HHAT: variants seen among roughly 807,000 people sequenced by gnomAD.
HHAT encodes the protein hedgehog acyltransferase.
HHAT carries 47 observed loss-of-function variants against 70.8 expected under a neutral mutation model. The ratio of observed to expected loss-of-function variants is 0.66; its 90% CI spans 0.53 to 0.85. HHAT has a LOEUF of 0.85. Ranked by LOEUF, HHAT falls within the 40% of genes least tolerant of loss-of-function variation. The pLI is 0.00. For missense variants in HHAT, 609 were observed against 604.8 expected, an observed-to-expected ratio of 1.01 and a Z score of -0.07; for synonymous variants, 228 against 247.6, an observed-to-expected ratio of 0.92 and a Z score of 0.74.
At chr1:210,613,752 T>C (rs1052986219) in intron 10 of HHAT, among the ~76,000 whole-genome samples, 1 of 152,186 alleles carries the variant, frequency 6.6e-6, no homozygotes, top group African/African-American at 2.4e-5. Flanking sequence ...GTGCAGTGGC[T>C]CATGCCTATA....
intron 2 of HHAT, 26 bp downstream of exon 2, chr1:210,349,092 C>A (rs2086785911): frequency 6.2e-7 from 1 of 1,605,904 alleles, no homozygotes; most frequent in Non-Finnish European, 8.5e-7. Context: ...TTTCAGACCT[C>A]CTATCAAACA....
intron 9 of HHAT, among the ~76,000 whole-genome samples, chr1:210,554,480 C>T (rs546883768): frequency 6.6e-6 from 1 of 152,226 alleles, no homozygotes; most frequent in Non-Finnish European, 1.5e-5. Flanking sequence ...GGTTTGGAGA[C>T]AAACGCACCT....
chr1:210,443,068 G>C (rs1186852341), intron 7 of HHAT, among the ~76,000 whole-genome samples: 1 of 152,198 alleles, frequency 6.6e-6, no homozygotes, highest in African/African-American at 2.4e-5. Flanking sequence ...CATATGGCTA[G>C]CCAGTTTTCC....
At chr1:210,426,347 G>T (rs1392182634) in intron 7 of HHAT, among the ~76,000 whole-genome samples, 17 of 152,232 alleles carry the variant, frequency 1.1e-4, no homozygotes, top group Non-Finnish European at 1.5e-5. Context: ...TCTCTTGCCT[G>T]ATTGCCCCAG....
intron 8 of HHAT, among the ~76,000 whole-genome samples, chr1:210,499,245 CCCACA>C (rs1411449876): frequency 6.7e-6 from 1 of 149,682 alleles, no homozygotes; most frequent in Admixed American, 6.6e-5. Flanking sequence ...CTTCCCATTC[CCCACA>C]CCTGCCTATG....
intron 10 of HHAT, among the ~76,000 whole-genome samples, chr1:210,602,905 C>T (rs1447118955): frequency 6.6e-6 from 1 of 152,196 alleles, no homozygotes; most frequent in African/African-American, 2.4e-5. Flanking sequence ...GAATCTTAAC[C>T]TCTCTGGTCT....
intron 9 of HHAT, among the ~76,000 whole-genome samples, chr1:210,560,814 TAAAAAAAA>T (rs60192211): frequency 6.3e-4 from 18 of 28,512 alleles, no homozygotes; most frequent in South Asian, 5.6e-3. Context: ...CCCTGTGTCT[TAAAAAAAA>T]AAAAAAAAAA....
intron 8 of HHAT, among the ~76,000 whole-genome samples, chr1:210,491,689 A>G (rs576594570): frequency 3.9e-5 from 6 of 152,240 alleles, no homozygotes; most frequent in Admixed American, 6.5e-5. Flanking sequence ...TTCTTCAGTC[A>G]CACCCAGCTA....
intron 9 of HHAT, among the ~76,000 whole-genome samples, chr1:210,539,567 G>A (rs930904483): frequency 6.6e-6 from 1 of 152,160 alleles, no homozygotes; most frequent in Non-Finnish European, 1.5e-5. Context: ...ATTCTTCTTC[G>A]AGGATTTTGG....
intron 9 of HHAT, among the ~76,000 whole-genome samples, chr1:210,577,924 A>ATTCACATCTGTTCC (rs1658274691): frequency 2.0e-5 from 3 of 152,040 alleles, no homozygotes; most frequent in Admixed American, 6.6e-5. Flanking sequence ...GGGGTTACAG[A>ATTCACATCTGTTCC]TGTGAGCCAC....
At chr1:210,543,645 C>A (rs2095453109) in intron 9 of HHAT, among the ~76,000 whole-genome samples, 2 of 152,132 alleles carry the variant, frequency 1.3e-5, no homozygotes, top group South Asian at 4.1e-4. Context: ...TTTAATTTTT[C>A]CAAATTTTTC....
chr1:210,333,889 T>G (rs1346721482), intron 1 of HHAT, among the ~76,000 whole-genome samples: 1 of 152,156 alleles, frequency 6.6e-6, no homozygotes, highest in Non-Finnish European at 1.5e-5. Context: ...ACTCCTGGCT[T>G]GAAGTGATCT....
intron 9 of HHAT, among the ~76,000 whole-genome samples, chr1:210,559,860 T>C (rs2095605612): frequency 6.6e-6 from 1 of 152,214 alleles, no homozygotes; most frequent in African/African-American, 2.4e-5. Context: ...TATCAGACTC[T>C]ATTATCTGAG....
chr1:210,501,732 A>C (rs563226094), intron 8 of HHAT, among the ~76,000 whole-genome samples: 1 of 152,290 alleles, frequency 6.6e-6, no homozygotes, highest in Admixed American at 6.5e-5. Flanking sequence ...AAGTCAGCTG[A>C]AAAGGGAATC....
chr1:210,454,140 A>T (rs2148406247), intron 7 of HHAT, among the ~76,000 whole-genome samples: 1 of 152,336 alleles, frequency 6.6e-6, no homozygotes, highest in Middle Eastern at 3.4e-3. Flanking sequence ...CTCCTGCAAC[A>T]CATGGGAATT....
intron 7 of HHAT, among the ~76,000 whole-genome samples, chr1:210,453,189 G>A (rs1267035101): frequency 1.3e-5 from 2 of 152,170 alleles, no homozygotes; most frequent in African/African-American, 4.8e-5. Flanking sequence ...ATATCAGTTA[G>A]CATAAGATTC....
intron 11 of HHAT, among the ~76,000 whole-genome samples, chr1:210,649,677 G>A (rs1213007774): frequency 6.6e-6 from 1 of 152,220 alleles, no homozygotes; most frequent in Non-Finnish European, 1.5e-5. Flanking sequence ...CCTGTCCTAT[G>A]TGTTGTCAAC....
intron 9 of HHAT, among the ~76,000 whole-genome samples, chr1:210,538,473 A>T (rs961501560): frequency 6.6e-6 from 1 of 152,180 alleles, no homozygotes; most frequent in Non-Finnish European, 1.5e-5. Flanking sequence ...AATAGAGGAT[A>T]AGAAGGGAAG....
intron 3 of HHAT, among the ~76,000 whole-genome samples, chr1:210,368,184 C>CT (rs1426735038): frequency 6.6e-6 from 1 of 151,968 alleles, no homozygotes; most frequent in Non-Finnish European, 1.5e-5. Flanking sequence ...CATTTTTTTC[C>CT]TTTTATTTAG....
Sources: allele counts gnomAD v4.1 joint callset (sites outside exome capture counted in the v4.1 genomes callset), GRCh38; gene constraint gnomAD v4.1.1; transcripts MANE v1.5; gene names NCBI Gene and HGNC (gene_info 2026-07-23, HGNC 2026-07-21).